PDE4D: variants seen among roughly 807,000 people sequenced by gnomAD.
The protein encoded by PDE4D is 3',5'-cyclic-AMP phosphodiesterase 4D.
In PDE4D, 24 loss-of-function variants were observed where a neutral mutation model predicts 87.4. The observed-to-expected ratio is 0.27, with a 90% CI of 0.20 to 0.39. The LOEUF (loss-of-function observed/expected upper bound fraction) is 0.39, where lower values mean the gene tolerates loss of function less well. Ranked by LOEUF, PDE4D falls within the 10% of genes least tolerant of loss-of-function variation. The pLI, the probability that PDE4D is intolerant of heterozygous loss-of-function variation, is 1.00. For missense variants in PDE4D, 714 were observed against 1,041.0 expected (o/e 0.69, Z 4.32); for synonymous variants, 384 against 383.2 (o/e 1.00, Z -0.02).
chr5:59,470,035 T>C (rs1310601553), intron 1 of PDE4D, among the ~76,000 whole-genome samples: 4 of 151,898 alleles, frequency 2.6e-5, no homozygotes, highest in Non-Finnish European at 5.9e-5. Flanking sequence ...GGAGGTAAGA[T>C]TTTGGAATTT....
At chr5:59,548,443 A>G (rs1018896455) in intron 1 of PDE4D, among the ~76,000 whole-genome samples, 1 of 152,140 alleles carries the variant, frequency 6.6e-6, no homozygotes, top group Non-Finnish European at 1.5e-5. Flanking sequence ...TTTCACACCC[A>G]TTAGGTACCA....
At chr5:59,403,129 A>ATAGG (rs151232838) in intron 1 of PDE4D, among the ~76,000 whole-genome samples, 2 of 146,492 alleles carry the variant, frequency 1.4e-5, no homozygotes, top group East Asian at 2.0e-4. Flanking sequence ...TTGGTACATA[A>ATAGG]TAGGTAGGTA....
chr5:59,375,511 A>G (rs1173004705), intron 1 of PDE4D, among the ~76,000 whole-genome samples: 1 of 152,164 alleles, frequency 6.6e-6, no homozygotes, highest in African/African-American at 2.4e-5. Flanking sequence ...CCCTGAATGG[A>G]CTAATAAAAA....
intron 5 of PDE4D, among the ~76,000 whole-genome samples, chr5:59,171,768 C>CTATA (rs78395306): frequency 0.09 from 12,569 of 139,926 alleles, 815 homozygotes; most frequent in African/African-American, 0.17. Flanking sequence ...CTCTCTCTCT[C>CTATA]TATATATGAA....
At chr5:59,341,462 G>A (rs1778709279) in intron 1 of PDE4D, among the ~76,000 whole-genome samples, 1 of 152,064 alleles carries the variant, frequency 6.6e-6, no homozygotes, top group Non-Finnish European at 1.5e-5. Context: ...TTACAAGTAG[G>A]AAAAGCAATA....
At chr5:60,228,453 C>A (rs56215414) in intron 1 of PDE4D, among the ~76,000 whole-genome samples, 2 of 151,896 alleles carry the variant, frequency 1.3e-5, no homozygotes, top group Admixed American at 1.3e-4. Context: ...ATATCACATG[C>A]CATTTGAATG....
intron 5 of PDE4D, among the ~76,000 whole-genome samples, chr5:59,093,310 A>G (rs1338435831): frequency 1.3e-5 from 2 of 152,182 alleles, no homozygotes. Flanking sequence ...TCCCTTACCT[A>G]CTGGAAGCGG....
intron 1 of PDE4D, among the ~76,000 whole-genome samples, chr5:60,401,295 G>A (rs1185274974): frequency 6.6e-6 from 1 of 152,142 alleles, no homozygotes; most frequent in Non-Finnish European, 1.5e-5. Context: ...CTTATTTTAT[G>A]GTTAGGCTTT....
chr5:60,005,805 ACT>A (rs1274496080), intron 2 of PDE4D, among the ~76,000 whole-genome samples: 3 of 139,726 alleles, frequency 2.1e-5, no homozygotes, highest in African/African-American at 8.1e-5. Context: ...CCTATGAGAA[ACT>A]CTGTAAGATG....
At chr5:60,097,077 G>A (rs1310786970) in intron 2 of PDE4D, among the ~76,000 whole-genome samples, 2 of 151,926 alleles carry the variant, frequency 1.3e-5, no homozygotes, top group African/African-American at 4.8e-5. Context: ...CTAAATGGGA[G>A]GTAATGTGCT....
intron 1 of PDE4D, among the ~76,000 whole-genome samples, chr5:60,506,873 T>C (rs984519963): frequency 1.3e-5 from 2 of 152,078 alleles, no homozygotes; most frequent in African/African-American, 4.8e-5. Context: ...ATATTTCTTC[T>C]GATTATAAAA....
intron 1 of PDE4D, among the ~76,000 whole-genome samples, chr5:60,348,167 T>C (rs1368744487): frequency 1.3e-5 from 2 of 152,094 alleles, no homozygotes; most frequent in African/African-American, 4.8e-5. Context: ...AGGGTGAATA[T>C]AGGGTGAATA....
At chr5:59,055,824 C>G (rs1762259014) in intron 5 of PDE4D, among the ~76,000 whole-genome samples, 2 of 152,310 alleles carry the variant, frequency 1.3e-5, no homozygotes, top group African/African-American at 4.8e-5. Flanking sequence ...CCTACTTAAA[C>G]TTTAGCTTGA....
intron 1 of PDE4D, among the ~76,000 whole-genome samples, chr5:60,305,750 T>C (rs573631750): frequency 1.3e-5 from 2 of 151,128 alleles, no homozygotes; most frequent in South Asian, 2.1e-4. Context: ...ATATAGACTC[T>C]AAGAAAATGT....
At chr5:59,124,662 A>T (rs908454509) in intron 5 of PDE4D, among the ~76,000 whole-genome samples, 40 of 152,328 alleles carry the variant, frequency 2.6e-4, no homozygotes, top group African/African-American at 9.6e-4. Flanking sequence ...TGTTGCATTT[A>T]AAAAAATAAG....
chr5:59,335,018 T>C (rs760673604), intron 1 of PDE4D, among the ~76,000 whole-genome samples: 7 of 152,184 alleles, frequency 4.6e-5, no homozygotes, highest in Non-Finnish European at 8.8e-5. Flanking sequence ...CCAGCAGCCT[T>C]GATTTCCCAT....
intron 1 of PDE4D, among the ~76,000 whole-genome samples, chr5:59,612,073 A>G (rs1290176622): frequency 2.0e-5 from 3 of 152,170 alleles, no homozygotes; most frequent in Non-Finnish European, 4.4e-5. Context: ...TATAAGCTTG[A>G]GTTTTTCTTT....
At chr5:59,144,830 C>T (rs1778367089) in intron 5 of PDE4D, among the ~76,000 whole-genome samples, 1 of 130,072 alleles carries the variant, frequency 7.7e-6, no homozygotes, top group African/African-American at 2.9e-5. Context: ...GGTTATAACT[C>T]GAATACACAG....
chr5:60,261,289 G>C (rs1336576435), intron 1 of PDE4D, among the ~76,000 whole-genome samples: 2 of 152,086 alleles, frequency 1.3e-5, no homozygotes, highest in Non-Finnish European at 2.9e-5. Context: ...AGTTGCTTTA[G>C]TTAATTTTCC....
Sources: allele counts gnomAD v4.1 joint callset (sites outside exome capture counted in the v4.1 genomes callset), GRCh38; gene constraint gnomAD v4.1.1; transcripts MANE v1.5; gene names NCBI Gene and HGNC (gene_info 2026-07-23, HGNC 2026-07-21).